The following ACSL6 variants were observed in gnomAD, a reference collection of about 807,000 sequenced individuals.
ACSL6 encodes acyl-CoA synthetase long chain family member 6, also known as long-chain-fatty-acid--CoA ligase 6.
ACSL6 carries 47 observed loss-of-function variants against 98.2 expected under a neutral mutation model. The observed-to-expected ratio is 0.48, with a 90% confidence interval of 0.38 to 0.61. The LOEUF is 0.61. ACSL6 is among the 20% of genes least tolerant of loss of function. ACSL6 has a pLI of 0.00. For synonymous variants in ACSL6, 362 were observed against 336.9 expected (o/e 1.07, Z -0.82); for missense variants, 761 against 913.4 (o/e 0.83, Z 2.15).
intron 8 of ACSL6, among the ~76,000 whole-genome samples, chr5:131,985,698 C>G (rs554060743): frequency 2.2e-4 from 33 of 152,346 alleles, no homozygotes; most frequent in African/African-American, 7.9e-4. Flanking sequence ...ATCTGTCCCA[C>G]CAACCTCACA....
At position 131,990,857 on chromosome 5, in the gene ACSL6, G is replaced by A; in HGVS notation, c.381C>T (p.Ile127=). 6.2e-7 allele frequency: 1 copy of A among 1,611,364 alleles called. No individual in the cohort carries two copies. Among genetic ancestry groups the A allele is most frequent in the South Asian group, 1.1e-5 (1 of 91,022 alleles). ...CCCCCCCACAACCCTTCTCACCTGAGATGCTAAGCCCACGGCGGAACACCT... is the reference window on the plus strand; with the variant it reads ...CCCCCCCACAACCCTTCTCACCTGAAATGCTAAGCCCACGGCGGAACACCT... ...MYQVFRRGLS[I]SGNGPCLGFR... The change falls in exon 3 of 21, where the codon ATC becomes ATT. Residue 127 remains isoleucine (I), a synonymous_variant. Coordinates refer to ENST00000651883, the MANE Select transcript of ACSL6 (RefSeq NM_001009185.3).
chr5:131,959,463 G>A (rs1752586265), intron 20 of ACSL6, 73 bp downstream of exon 20: 2 of 1,494,428 alleles, frequency 1.3e-6, no homozygotes, highest in South Asian at 2.3e-5. Context: ...TCTAGGTCAG[G>A]GTCACCATGG....
intron 2 of ACSL6, chr5:131,993,791 G>C (rs1754648989): frequency 1.9e-6 from 1 of 528,090 alleles, no homozygotes; most frequent in South Asian, 2.2e-5. Context: ...AGGCAAACTA[G>C]AGGCCCAGTG....
intron 7 of ACSL6, among the ~76,000 whole-genome samples, chr5:131,987,101 T>A (rs943660840): frequency 6.6e-6 from 1 of 152,122 alleles, no homozygotes; most frequent in Non-Finnish European, 1.5e-5. Flanking sequence ...ATGGCAGACA[T>A]GACCTCAGTG....
chr5:131,983,871 G>A (rs1235234347), intron 9 of ACSL6: 2 of 152,258 alleles, frequency 1.3e-5, no homozygotes, highest in Non-Finnish European at 2.9e-5. Context: ...CCCCAGCCAG[G>A]CAATAGCACA....
chr5:132,003,397 T>C (rs1371502790), intron 1 of ACSL6, among the ~76,000 whole-genome samples: 1 of 152,174 alleles, frequency 6.6e-6, no homozygotes, highest in Non-Finnish European at 1.5e-5. Context: ...GAGTTAACAT[T>C]AGACTGGAGC....
chr5:131,952,956 AAGT>A lies in ACSL6; in HGVS notation c.*1275_*1277del, dbSNP rs1375950627. 2 of 211,280 alleles carry A rather than the reference AAGT, an allele frequency of 9.5e-6. No individual in the cohort carries two copies. The highest frequency in any genetic ancestry group is 1.9e-5 in the Non-Finnish European group (2 of 104,302). The allele number at this position is 211,280 out of a possible 1,614,324, so 13.1% of individuals were successfully genotyped here. On this transcript the variant is annotated 3_prime_UTR_variant, in exon 21 of 21. Coordinates refer to ENST00000651883, the MANE Select transcript of ACSL6 (RefSeq NM_001009185.3). The stretch of plus-strand genomic sequence containing the variant: ...TGCCTTGATATTCTTACTGGAAAAA[AAGT>A]GAAATTGTTCAGAATTACAACCATA...
intron 1 of ACSL6, among the ~76,000 whole-genome samples, chr5:132,010,308 C>T (rs1483889503): frequency 6.6e-6 from 1 of 152,184 alleles, no homozygotes; most frequent in East Asian, 1.9e-4. Context: ...CAGGCCTGAT[C>T]CAGCCAAGCA....
intron 1 of ACSL6, among the ~76,000 whole-genome samples, chr5:131,996,883 A>G (rs1274873470): frequency 6.6e-6 from 1 of 152,228 alleles, no homozygotes; most frequent in African/African-American, 2.4e-5. Flanking sequence ...TGACTTAGGT[A>G]CGAGAGAGTC....
chr5:131,980,410 T>TA, intron 9 of ACSL6, among the ~76,000 whole-genome samples: 1 of 152,324 alleles, frequency 6.6e-6, no homozygotes, highest in East Asian at 1.9e-4. Flanking sequence ...GGGCACTTCA[T>TA]ACATGGTAAC....
At chr5:131,961,350 T>C (rs493829) in intron 18 of ACSL6, among the ~76,000 whole-genome samples, 64,707 of 151,872 alleles carry the variant, frequency 0.43, 18,287 homozygotes, top group African/African-American at 0.81. Context: ...AGCATTTCTT[T>C]GAAAATAATT....
intron 17 of ACSL6, 70 bp from the exon 18 acceptor site, chr5:131,962,748 C>A: frequency 6.4e-7 from 1 of 1,568,800 alleles, no homozygotes; most frequent in Non-Finnish European, 8.7e-7. Flanking sequence ...TCCTCAGTGC[C>A]GTAACTCCCT....
chr5:132,005,356 G>T (rs1561813833), intron 1 of ACSL6, among the ~76,000 whole-genome samples: 1 of 152,316 alleles, frequency 6.6e-6, no homozygotes, highest in East Asian at 1.9e-4. Context: ...CAAAGCAGAG[G>T]GGTCACTGCA....
chr5:131,992,824 A>G (rs149830502), intron 2 of ACSL6, among the ~76,000 whole-genome samples: 1 of 152,348 alleles, frequency 6.6e-6, no homozygotes, highest in East Asian at 1.9e-4. Context: ...CAGATGTGAT[A>G]TAGTCACAAG....
At chr5:131,972,264 A>C (rs1334164438) in intron 13 of ACSL6, among the ~76,000 whole-genome samples, 1 of 152,236 alleles carries the variant, frequency 6.6e-6, no homozygotes, top group Non-Finnish European at 1.5e-5. Flanking sequence ...AGGTACAGAA[A>C]TGAGTAATTC....
At chr5:131,984,947 GTTAAA>G in intron 9 of ACSL6, 1 of 200,318 alleles carries the variant, frequency 5.0e-6, no homozygotes, top group Non-Finnish European at 1.1e-5. Context: ...TGGCAGAGAA[GTTAAA>G]TGAGTGGCTC....
At chr5:131,968,505 T>C (rs1366954928) in intron 15 of ACSL6, among the ~76,000 whole-genome samples, 1 of 152,186 alleles carries the variant, frequency 6.6e-6, no homozygotes, top group Non-Finnish European at 1.5e-5. Flanking sequence ...TGGATTCTGA[T>C]TCACTGGGTT....
intron 18 of ACSL6, 51 bp downstream of exon 18, chr5:131,962,483 GT>G (rs747015433): frequency 4.8e-4 from 739 of 1,551,054 alleles, no homozygotes; most frequent in Non-Finnish European, 6.3e-4. Context: ...TTTAATCTGG[GT>G]TTTTCAGCAT....
In ACSL6 at chr5:131,953,523, C is replaced by T. The variant is rs528146400; in HGVS notation, c.*711G>A. 1.6e-5 allele frequency: 3 copies of T among 189,838 alleles called. No individual in the cohort carries two copies. Among genetic ancestry groups the T allele is most frequent in the African/African-American group, 4.7e-5 (2 of 42,886 alleles). 11.8% of individuals were successfully genotyped at this position (189,838 alleles called of 1,614,324 possible). ...TGGGAGGTGAGACAGGAGGATCACT[C>T]GAGCCCAGGAGATGGAGACTGCAAT... On this transcript the variant is annotated 3_prime_UTR_variant, in exon 21 of 21. Transcript: ENST00000651883.
Sources: gnomAD v4.1 joint callset for allele counts (sites outside exome capture counted in the v4.1 genomes callset) on GRCh38, gnomAD v4.1.1 for gene constraint, MANE v1.5 for transcripts, NCBI Gene and HGNC (gene_info 2026-07-23, HGNC 2026-07-21) for gene names.